Variants in CACNA2D4 observed in about 807,000 individuals in gnomAD.
CACNA2D4 encodes the protein calcium voltage-gated channel auxiliary subunit alpha2delta 4.
Under a neutral mutation model 163.8 loss-of-function variants are expected in CACNA2D4, and 157 were observed. That is an observed-to-expected ratio of 0.96 (90% CI 0.84 to 1.09). The LOEUF is 1.09. CACNA2D4 is among the 50% of genes least tolerant of loss of function. The pLI is 0.00. For missense variants in CACNA2D4, 1,410 were observed against 1,479.9 expected, an observed-to-expected ratio of 0.95 and a Z score of 0.78; for synonymous variants, 598 against 586.9, an observed-to-expected ratio of 1.02 and a Z score of -0.27.
intron 37 of CACNA2D4, 50 bp from the exon 38 acceptor site, chr12:1,793,809 C>A: frequency 6.7e-7 from 1 of 1,488,130 alleles, no homozygotes; most frequent in South Asian, 1.2e-5. Context: ...GGAGGACCCT[C>A]AAAAAGGGAG....
intron 6 of CACNA2D4, among the ~76,000 whole-genome samples, chr12:1,891,208 C>A (rs143863167): frequency 0.013 from 1,921 of 152,322 alleles, 16 homozygotes; most frequent in Non-Finnish European, 0.022. Context: ...CCCACTGCCA[C>A]AACTGGGGCC....
intron 20 of CACNA2D4, among the ~76,000 whole-genome samples, chr12:1,856,556 TG>T (rs1426294290): frequency 5.3e-5 from 8 of 152,230 alleles, no homozygotes; most frequent in African/African-American, 9.6e-5. Context: ...AGGTTGGATT[TG>T]GGTTATTATG....
rs78754731 is a variant in CACNA2D4, at chr12:1,843,050, T to A, written c.2470+1352A>T. Reference sequence around the variant, plus strand: ...CTCTGAGCCTCACGTTCTCCTTGTGTAAGTTGAGGGATAATGACGGCACTT... The same window carrying A: ...CTCTGAGCCTCACGTTCTCCTTGTGAAAGTTGAGGGATAATGACGGCACTT... On this transcript the variant is annotated intron_variant, in intron 25 of 37. Transcript: ENST00000382722. The surrounding 1 kb of genome is among the most constrained non-coding windows in gnomAD (Gnocchi z 4.6). 2.3e-3 allele frequency among the ~76,000 whole-genome samples: 352 copies of A among 152,264 alleles called. No homozygotes were observed. The highest frequency in any genetic ancestry group is 8.2e-3 in the African/African-American group (341 of 41,570).
At chr12:1,894,423 A>T (rs1866355277) in intron 6 of CACNA2D4, among the ~76,000 whole-genome samples, 1 of 152,150 alleles carries the variant, frequency 6.6e-6, no homozygotes, top group Non-Finnish European at 1.5e-5. Flanking sequence ...CCAGATAAAG[A>T]CACAACAACA....
Position 1,855,888 on chromosome 12 carries a change from A to G in CACNA2D4, c.2152+124T>C, listed in dbSNP as rs78771377. 252 of 695,848 alleles carry G rather than the reference A, an allele frequency of 3.6e-4. No individual in the cohort carries two copies. In the African/African-American group the frequency reaches 4.2e-3, roughly 12 times the overall value. 43.1% of individuals were successfully genotyped at this position (695,848 alleles called of 1,614,324 possible). On this transcript the variant is annotated intron_variant, in intron 22 of 37. Transcript: ENST00000382722. ...GGAATCTCCCTGTTTGATCTAAGCC[A>G]TCCATGTGCTAATGGGATAGGGCTG...
intron 9 of CACNA2D4, 45 bp from the exon 10 acceptor site, chr12:1,885,121 G>T: frequency 6.8e-7 from 1 of 1,480,914 alleles, no homozygotes; most frequent in Non-Finnish European, 9.4e-7. Flanking sequence ...GGTTGAGTGG[G>T]CCAGTGGAGC....
intron 26 of CACNA2D4, among the ~76,000 whole-genome samples, chr12:1,819,550 A>G (rs938814779): frequency 6.6e-6 from 1 of 152,128 alleles, no homozygotes; most frequent in African/African-American, 2.4e-5. Context: ...ATCTGTCTAC[A>G]GGCAGTGGAC....
At chr12:1,914,646 A>G (rs757215288) in intron 2 of CACNA2D4, among the ~76,000 whole-genome samples, 15 of 152,106 alleles carry the variant, frequency 9.9e-5, no homozygotes, top group Non-Finnish European at 1.2e-4. Flanking sequence ...GACCTGACAC[A>G]ATGCTCTTGA....
At position 1,844,218 on chromosome 12, in the gene CACNA2D4, G is replaced by A. The variant is rs1036934180; in HGVS notation, c.2470+184C>T. Among the ~76,000 whole-genome samples, 5 of 152,198 alleles carry A rather than the reference G, an allele frequency of 3.3e-5. No homozygotes were observed. Among genetic ancestry groups the A allele is most frequent in the Non-Finnish European group, 7.3e-5 (5 of 68,036 alleles). On this transcript the variant is annotated intron_variant, in intron 25 of 37. Transcript: ENST00000382722. The surrounding 1 kb of genome is among the most constrained non-coding windows in gnomAD (Gnocchi z 4.2). ...CTTCAGCGTGGGACCTGTGGTGTGG[G>A]AAGGTGCCAATGAGCTTTTTTAAGT...
rs1285071545 is a variant in CACNA2D4 at position 1,818,052 on chromosome 12, C to T, written c.2552-6329G>A. Among the ~76,000 whole-genome samples the T allele has an allele frequency of 2.7e-5, 4 of 150,436 alleles. No individual in the cohort carries two copies. The South Asian group carries it at 6.3e-4, about 24-fold the overall frequency. ...CTAGGAAGTGAGGAGCGTCTCTGCC[C>T]GGCCGCCCATCGTCTGAGATGTGGG... On this transcript the variant is annotated intron_variant, in intron 26 of 37. Coordinates refer to ENST00000382722, the MANE Select transcript of CACNA2D4 (RefSeq NM_172364.5).
chr12:1,797,330 C>T lies in CACNA2D4; in HGVS notation c.3113+88G>A, dbSNP rs543262852. The T allele has an allele frequency of 6.7e-4, 648 of 970,676 alleles. 1 individual carries two copies. Among genetic ancestry groups the T allele is most frequent in the Non-Finnish European group, 8.6e-4 (547 of 633,844 alleles). The allele number at this position is 970,676 out of a possible 1,614,324, so 60.1% of individuals were successfully genotyped here. ...TCCTCCCGGCTGTGGAGCCGTTTCC[C>T]GGGGGTTCCGGGGCCCTGCCCGCAC... On this transcript the variant is annotated intron_variant, in intron 35 of 37. Transcript: ENST00000382722.
intron 18 of CACNA2D4, among the ~76,000 whole-genome samples, chr12:1,872,318 T>A (rs1440576038): frequency 6.6e-6 from 1 of 152,144 alleles, no homozygotes; most frequent in East Asian, 1.9e-4. Context: ...CCCCATAGGT[T>A]TCTGGGTTTG....
At chr12:1,849,496 C>T (rs1485923191) in intron 23 of CACNA2D4, among the ~76,000 whole-genome samples, 2 of 152,110 alleles carry the variant, frequency 1.3e-5, no homozygotes, top group South Asian at 2.1e-4. Context: ...CCCGTATGTT[C>T]GATTATTTAA....
Position 1,801,136 on chromosome 12 carries a change from G to T in CACNA2D4, c.2793-18C>A. 1 of 1,611,332 alleles carries T rather than the reference G, an allele frequency of 6.2e-7. No homozygotes were observed. Among genetic ancestry groups the T allele is most frequent in the Non-Finnish European group, 8.5e-7 (1 of 1,177,506 alleles). On this transcript the variant is annotated intron_variant, in intron 30 of 37. Coordinates refer to ENST00000382722, the MANE Select transcript of CACNA2D4 (RefSeq NM_172364.5). Reference sequence around the variant, plus strand: ...TAGTCACTCTGAAAATCAGAAGCGGGCTGTGATGAGTCCAAAGCCACCCCC... The same window carrying T: ...TAGTCACTCTGAAAATCAGAAGCGGTCTGTGATGAGTCCAAAGCCACCCCC...
At chr12:1,909,118 C>T (rs1326940068) in intron 4 of CACNA2D4, among the ~76,000 whole-genome samples, 2 of 152,196 alleles carry the variant, frequency 1.3e-5, no homozygotes, top group African/African-American at 4.8e-5. Context: ...CTGCCTTCCT[C>T]ACCAGCCTCT....
In CACNA2D4 at chr12:1,820,034, C is replaced by G. The variant is rs1191821127; in HGVS notation, c.2552-8311G>C. Among the ~76,000 whole-genome samples, 1 of 152,234 alleles carries G rather than the reference C, an allele frequency of 6.6e-6. No individual in the cohort carries two copies. Among genetic ancestry groups the G allele is most frequent in the African/African-American group, 2.4e-5 (1 of 41,456 alleles). On this transcript the variant is annotated intron_variant, in intron 26 of 37. Coordinates refer to ENST00000382722, the MANE Select transcript of CACNA2D4 (RefSeq NM_172364.5). This position sits in a 1 kb window ranked among gnomAD's most constrained non-coding sequence, Gnocchi z 6.0. The stretch of plus-strand genomic sequence containing the variant: ...CACATGGACATGCCTGTGTACCCTT[C>G]TTTCGTATGACCGAGAGAAGGGTTC...
rs1246333284 is a variant in CACNA2D4, at chr12:1,917,117, C to T, written c.227+1130G>A. On this transcript the variant is annotated intron_variant, in intron 1 of 37. Transcript: ENST00000382722. The surrounding 1 kb of genome is among the most constrained non-coding windows in gnomAD (Gnocchi z 4.3). ...TGTAATGGTGAAAGTGCAGTCCAGG[C>T]TGACAGGAGTTCAAATCCCAGCACC... Among the ~76,000 whole-genome samples the T allele has an allele frequency of 6.6e-6, 1 of 152,168 alleles. No homozygotes were observed. The highest frequency in any genetic ancestry group is 1.5e-5 in the Non-Finnish European group (1 of 68,022).
At position 1,820,736 on chromosome 12, in the gene CACNA2D4, C is replaced by T. The variant is rs530426752; in HGVS notation, c.2552-9013G>A. 1.8e-4 allele frequency: 27 copies of T among 152,440 alleles called. No individual in the cohort carries two copies. The highest frequency in any genetic ancestry group is 1.2e-3 in the Admixed American group (18 of 15,298). The allele number at this position is 152,440 out of a possible 1,614,324, so 9.4% of individuals were successfully genotyped here. The stretch of plus-strand genomic sequence containing the variant: ...CTGCCTGCCGGTGGTGTCTGGATTT[C>T]TATAGGAATCCCAGGAGGGTCTTAC... On this transcript the variant is annotated intron_variant, in intron 26 of 37. Coordinates refer to ENST00000382722, the MANE Select transcript of CACNA2D4 (RefSeq NM_172364.5). The surrounding 1 kb of genome is among the most constrained non-coding windows in gnomAD (Gnocchi z 6.0).
intron 9 of CACNA2D4, 35 bp downstream of exon 9, chr12:1,885,930 G>A (rs768712211): frequency 6.0e-6 from 9 of 1,490,050 alleles, no homozygotes; most frequent in Middle Eastern, 1.8e-4. Context: ...ACAAGAGCAG[G>A]GGCTTGGAAG....
Sources: gnomAD v4.1 joint callset for allele counts (sites outside exome capture counted in the v4.1 genomes callset) on GRCh38, gnomAD v4.1.1 for gene constraint, Gnocchi (gnomAD v3.1) non-coding constraint, MANE v1.5 for transcripts, NCBI Gene and HGNC (gene_info 2026-07-23, HGNC 2026-07-21) for gene names.